The following KCNAB1 variants were observed in gnomAD, a reference collection of about 807,000 sequenced individuals.
KCNAB1 encodes the protein voltage-gated potassium channel subunit beta-1.
Under a neutral mutation model 64.6 loss-of-function variants are expected in KCNAB1, and 35 were observed. The ratio of observed to expected loss-of-function variants is 0.54; its 90% CI spans 0.41 to 0.72. The LOEUF (loss-of-function observed/expected upper bound fraction) is 0.72, where lower values mean the gene tolerates loss of function less well. Ranked by LOEUF, KCNAB1 falls within the 30% of genes least tolerant of loss-of-function variation. KCNAB1 has a pLI of 0.00. For missense variants in KCNAB1, 401 were observed against 512.9 expected, an observed-to-expected ratio of 0.78 and a Z score of 2.11; for synonymous variants, 177 against 183.8, an observed-to-expected ratio of 0.96 and a Z score of 0.30.
intron 1 of KCNAB1, among the ~76,000 whole-genome samples, chr3:156,332,235 A>C (rs957896460): frequency 1.2e-4 from 19 of 152,304 alleles, no homozygotes; most frequent in Non-Finnish European, 2.6e-4. Flanking sequence ...ATAATATAAA[A>C]CATTAATGAA....
At chr3:156,186,846 A>G (rs1577687304) in intron 1 of KCNAB1, among the ~76,000 whole-genome samples, 1 of 94,276 alleles carries the variant, frequency 1.1e-5, no homozygotes, top group African/African-American at 3.6e-5. Context: ...CCTCCTTAGC[A>G]TCTTTTTTTT....
intron 11 of KCNAB1, among the ~76,000 whole-genome samples, chr3:156,516,901 T>G (rs1717600600): frequency 6.6e-6 from 1 of 152,168 alleles, no homozygotes; most frequent in African/African-American, 2.4e-5. Context: ...CTTCTATCAC[T>G]TAAAGCAGCT....
At chr3:156,533,908 A>T (rs1343958116) in intron 13 of KCNAB1, among the ~76,000 whole-genome samples, 1 of 152,220 alleles carries the variant, frequency 6.6e-6, no homozygotes, top group African/African-American at 2.4e-5. Context: ...AAGGCAGCTG[A>T]CAGGGAAGGG....
chr3:156,267,990 A>AT (rs199818943), intron 1 of KCNAB1, among the ~76,000 whole-genome samples: 2 of 151,094 alleles, frequency 1.3e-5, no homozygotes, highest in Non-Finnish European at 3.0e-5. Flanking sequence ...CATTCTTTCT[A>AT]TTTTTTTTAA....
intron 1 of KCNAB1, among the ~76,000 whole-genome samples, chr3:156,126,652 G>A (rs899124328): frequency 1.4e-4 from 22 of 152,172 alleles, no homozygotes; most frequent in Non-Finnish European, 4.4e-5. Context: ...GGAGGCTCTG[G>A]GTAAGCCCCT....
intron 8 of KCNAB1, among the ~76,000 whole-genome samples, chr3:156,482,276 CA>C (rs779802691): frequency 3.2e-4 from 49 of 151,850 alleles, no homozygotes; most frequent in South Asian, 8.3e-4. Context: ...AAAAACAACT[CA>C]ATAATAGGAT....
intron 1 of KCNAB1, among the ~76,000 whole-genome samples, chr3:156,304,688 G>A (rs1169303818): frequency 6.6e-6 from 1 of 152,188 alleles, no homozygotes; most frequent in East Asian, 1.9e-4. Flanking sequence ...GCAGTGTGGT[G>A]GTACAAAGAA....
chr3:156,169,104 T>G (rs986227457), intron 1 of KCNAB1, among the ~76,000 whole-genome samples: 7 of 152,250 alleles, frequency 4.6e-5, no homozygotes, highest in African/African-American at 1.7e-4. Context: ...GAAATCTTCG[T>G]ATTATCCACT....
intron 1 of KCNAB1, among the ~76,000 whole-genome samples, chr3:156,275,800 A>G (rs534334905): frequency 3.3e-5 from 5 of 152,240 alleles, no homozygotes; most frequent in East Asian, 1.9e-4. Context: ...TTTCTTTGCT[A>G]TTTCTACTGT....
At chr3:156,497,554 G>A (rs1716091626) in intron 8 of KCNAB1, among the ~76,000 whole-genome samples, 1 of 152,214 alleles carries the variant, frequency 6.6e-6, no homozygotes, top group African/African-American at 2.4e-5. Context: ...AATAGAATAA[G>A]AAGTTATGTG....
intron 1 of KCNAB1, among the ~76,000 whole-genome samples, chr3:156,155,010 T>A (rs889363158): frequency 5.9e-5 from 9 of 152,250 alleles, no homozygotes; most frequent in Admixed American, 2.0e-4. Flanking sequence ...GTCTCATGAC[T>A]GTCTCATTTA....
At chr3:156,361,923 G>A (rs890493415) in intron 1 of KCNAB1, among the ~76,000 whole-genome samples, 3 of 152,156 alleles carry the variant, frequency 2.0e-5, no homozygotes, top group Non-Finnish European at 4.4e-5. Context: ...GCCTCCCAAA[G>A]TGTTGGGATT....
At chr3:156,277,663 G>A (rs552131790) in intron 1 of KCNAB1, among the ~76,000 whole-genome samples, 1 of 152,256 alleles carries the variant, frequency 6.6e-6, no homozygotes, top group African/African-American at 2.4e-5. Context: ...CACTCAGATT[G>A]CTTCCACATC....
chr3:156,433,953 C>T (rs1329422548), intron 2 of KCNAB1, among the ~76,000 whole-genome samples: 1 of 152,170 alleles, frequency 6.6e-6, no homozygotes, highest in Non-Finnish European at 1.5e-5. Flanking sequence ...TATCATTTGC[C>T]ATTTTGACAC....
At chr3:156,296,294 A>G (rs777516006) in intron 1 of KCNAB1, among the ~76,000 whole-genome samples, 3 of 152,128 alleles carry the variant, frequency 2.0e-5, no homozygotes, top group Non-Finnish European at 4.4e-5. Context: ...TCCAGCTACC[A>G]GTGTTTGACA....
chr3:156,502,515 A>G (rs892403545), intron 8 of KCNAB1, among the ~76,000 whole-genome samples: 2 of 147,774 alleles, frequency 1.4e-5, no homozygotes, highest in Non-Finnish European at 3.0e-5. Flanking sequence ...AAATGAAACC[A>G]GATCCCTACC....
intron 1 of KCNAB1, among the ~76,000 whole-genome samples, chr3:156,251,615 A>G (rs1328345781): frequency 6.6e-6 from 1 of 152,028 alleles, no homozygotes; most frequent in Non-Finnish European, 1.5e-5. Flanking sequence ...GCTTGGGAGG[A>G]GGGGTATCCT....
intron 2 of KCNAB1, among the ~76,000 whole-genome samples, chr3:156,423,173 G>T (rs531667575): frequency 6.6e-6 from 1 of 152,216 alleles, no homozygotes; most frequent in Non-Finnish European, 1.5e-5. Context: ...GCAGAGAAAT[G>T]GAGTGGCACT....
intron 1 of KCNAB1, among the ~76,000 whole-genome samples, chr3:156,200,719 C>G (rs1714275873): frequency 6.6e-6 from 1 of 152,218 alleles, no homozygotes; most frequent in Non-Finnish European, 1.5e-5. Context: ...GTGAGAATTT[C>G]AAGCCAGTTG....
Sources: gnomAD v4.1 joint callset for allele counts (sites outside exome capture counted in the v4.1 genomes callset) on GRCh38, gnomAD v4.1.1 for gene constraint, MANE v1.5 for transcripts, NCBI Gene and HGNC (gene_info 2026-07-23, HGNC 2026-07-21) for gene names.